CADPS: variants seen among roughly 807,000 people sequenced by gnomAD.
The protein encoded by CADPS is calcium dependent secretion activator.
Under a neutral mutation model 167.3 loss-of-function variants are expected in CADPS, and 57 were observed. The ratio of observed to expected loss-of-function variants is 0.34; its 90% CI spans 0.28 to 0.42. CADPS has a LOEUF of 0.42. CADPS is among the 20% of genes least tolerant of loss of function. The pLI, the probability that CADPS is intolerant of heterozygous loss-of-function variation, is 1.00. For missense variants in CADPS, 1,414 were observed against 1,738.1 expected, an observed-to-expected ratio of 0.81 and a Z score of 3.32; for synonymous variants, 676 against 635.3, an observed-to-expected ratio of 1.06 and a Z score of -0.96.
chr3:62,689,013 G>A (rs188772602), intron 3 of CADPS, among the ~76,000 whole-genome samples: 33 of 152,158 alleles, frequency 2.2e-4, no homozygotes, highest in Middle Eastern at 3.4e-3. Context: ...GAATAACAGT[G>A]TGATAAATGA....
intron 6 of CADPS, among the ~76,000 whole-genome samples, chr3:62,630,949 T>G (rs2065154292): frequency 6.6e-6 from 1 of 152,174 alleles, no homozygotes; most frequent in African/African-American, 2.4e-5. Flanking sequence ...TTATGTAGGT[T>G]TCTCATCTTA....
chr3:62,529,548 C>T (rs1245022503), intron 13 of CADPS, among the ~76,000 whole-genome samples: 2 of 152,200 alleles, frequency 1.3e-5, no homozygotes, highest in African/African-American at 4.8e-5. Flanking sequence ...TGTTGCCTTG[C>T]AATCTAACTT....
intron 11 of CADPS, among the ~76,000 whole-genome samples, chr3:62,542,594 G>A (rs1298546963): frequency 6.6e-6 from 1 of 152,070 alleles, no homozygotes; most frequent in Non-Finnish European, 1.5e-5. Context: ...GGCACAAATG[G>A]ACCACTTAAT....
intron 26 of CADPS, among the ~76,000 whole-genome samples, chr3:62,451,322 C>T (rs767208803): frequency 6.6e-6 from 1 of 151,924 alleles, no homozygotes; most frequent in South Asian, 2.1e-4. Flanking sequence ...TCTGCCTGGC[C>T]CTAAAAAGGG....
intron 11 of CADPS, among the ~76,000 whole-genome samples, chr3:62,539,082 C>G (rs887021356): frequency 6.6e-6 from 1 of 152,016 alleles, no homozygotes. Flanking sequence ...CTTCCTTTTC[C>G]CTTCTTCCTT....
chr3:62,794,576 T>C (rs1337142918), intron 1 of CADPS, among the ~76,000 whole-genome samples: 1 of 152,124 alleles, frequency 6.6e-6, no homozygotes, highest in Non-Finnish European at 1.5e-5. Flanking sequence ...TTACAGGTAT[T>C]TAGTAAATAA....
intron 28 of CADPS, among the ~76,000 whole-genome samples, chr3:62,426,099 C>A (rs1169830227): frequency 6.6e-6 from 1 of 152,164 alleles, no homozygotes. Flanking sequence ...ACTTTTCTCT[C>A]CGCTGCAAAG....
chr3:62,439,579 A>G (rs2055875560), intron 27 of CADPS: 1 of 152,184 alleles, frequency 6.6e-6, no homozygotes, highest in Non-Finnish European at 1.5e-5. Flanking sequence ...AATGAGATGT[A>G]AGTGATAGCT....
At chr3:62,538,777 T>G (rs1418010136) in intron 11 of CADPS, among the ~76,000 whole-genome samples, 1 of 151,434 alleles carries the variant, frequency 6.6e-6, no homozygotes, top group Admixed American at 6.6e-5. Flanking sequence ...TCTCTTTCTC[T>G]TTGTTTGTTT....
chr3:62,571,564 T>C (rs1208695621), intron 8 of CADPS, among the ~76,000 whole-genome samples: 4 of 151,916 alleles, frequency 2.6e-5, no homozygotes, highest in African/African-American at 2.4e-5. Context: ...AAGATAAATA[T>C]TACTTTTTTT....
At chr3:62,477,065 C>T (rs1404997696) in intron 23 of CADPS, among the ~76,000 whole-genome samples, 1 of 152,200 alleles carries the variant, frequency 6.6e-6, no homozygotes, top group East Asian at 1.9e-4. Context: ...TGCCCAGATT[C>T]TCCATAGTGC....
intron 1 of CADPS, among the ~76,000 whole-genome samples, chr3:62,841,764 C>T (rs1209921387): frequency 6.6e-6 from 1 of 152,142 alleles, no homozygotes; most frequent in Non-Finnish European, 1.5e-5. Context: ...ATGACATCCC[C>T]TTGTAATACT....
At chr3:62,737,779 C>T (rs1375921249) in intron 3 of CADPS, among the ~76,000 whole-genome samples, 1 of 152,128 alleles carries the variant, frequency 6.6e-6, no homozygotes, top group Non-Finnish European at 1.5e-5. Context: ...ACTTCCTTTT[C>T]CAGGTATGAT....
At chr3:62,430,998 T>A (rs2053809712) in intron 28 of CADPS, among the ~76,000 whole-genome samples, 1 of 152,152 alleles carries the variant, frequency 6.6e-6, no homozygotes, top group Non-Finnish European at 1.5e-5. Flanking sequence ...TCTCACAGAT[T>A]CTAAGGGATG....
At chr3:62,701,410 G>A (rs1032020061) in intron 3 of CADPS, among the ~76,000 whole-genome samples, 1 of 152,000 alleles carries the variant, frequency 6.6e-6, no homozygotes, top group Non-Finnish European at 1.5e-5. Context: ...TCTGGACTAT[G>A]ACAGGGAACT....
At chr3:62,677,785 G>A (rs543723726) in intron 3 of CADPS, among the ~76,000 whole-genome samples, 1 of 151,986 alleles carries the variant, frequency 6.6e-6, no homozygotes, top group African/African-American at 2.4e-5. Flanking sequence ...ATTACCAGCT[G>A]GGCTAAGATC....
intron 3 of CADPS, among the ~76,000 whole-genome samples, chr3:62,682,697 TCTC>T (rs1359140638): frequency 6.6e-6 from 1 of 152,056 alleles, no homozygotes; most frequent in Non-Finnish European, 1.5e-5. Flanking sequence ...TTTCCTTCCT[TCTC>T]CTTTCCCTTT....
chr3:62,523,289 G>A (rs1305569810), intron 13 of CADPS, among the ~76,000 whole-genome samples: 1 of 152,012 alleles, frequency 6.6e-6, no homozygotes, highest in African/African-American at 2.4e-5. Flanking sequence ...CTTCTGACCT[G>A]GAGTTTATTA....
At chr3:62,486,229 G>A (rs375327349) in intron 21 of CADPS, among the ~76,000 whole-genome samples, 2 of 152,084 alleles carry the variant, frequency 1.3e-5, no homozygotes, top group Non-Finnish European at 1.5e-5. Context: ...GGTGGATCAC[G>A]AGGTCAGGAG....
Sources: gnomAD v4.1 joint callset for allele counts (sites outside exome capture counted in the v4.1 genomes callset) on GRCh38, gnomAD v4.1.1 for gene constraint, MANE v1.5 for transcripts, NCBI Gene and HGNC (gene_info 2026-07-23, HGNC 2026-07-21) for gene names.